MAPK4: variants seen among roughly 807,000 people sequenced by gnomAD.
MAPK4 encodes Erk3-related.
MAPK4 carries 22 observed loss-of-function variants against 47.7 expected under a neutral mutation model. The observed-to-expected ratio is 0.46, with a 90% CI of 0.33 to 0.66. MAPK4 has a LOEUF of 0.66. Among genes scored for constraint, MAPK4 ranks in the 30% least tolerant of loss-of-function variants. MAPK4 has a pLI of 0.02. For missense variants in MAPK4, 736 were observed against 831.7 expected (o/e 0.88, Z 1.42); for synonymous variants, 390 against 365.7 (o/e 1.07, Z -0.76).
intron 1 of MAPK4, among the ~76,000 whole-genome samples, chr18:50,610,511 C>G (rs186707766): frequency 6.6e-6 from 1 of 152,322 alleles, no homozygotes; most frequent in East Asian, 1.9e-4. Flanking sequence ...GCAGGAGCAG[C>G]CCTCCTCCTG....
intron 4 of MAPK4, among the ~76,000 whole-genome samples, chr18:50,724,572 A>C (rs113213849): frequency 6.6e-6 from 1 of 152,220 alleles, no homozygotes; most frequent in African/African-American, 2.4e-5. Context: ...TAAGTTTGCA[A>C]CTCCAGACCC....
At chr18:50,610,068 C>T (rs2042618990) in intron 1 of MAPK4, among the ~76,000 whole-genome samples, 1 of 152,198 alleles carries the variant, frequency 6.6e-6, no homozygotes, top group Non-Finnish European at 1.5e-5. Flanking sequence ...ACGATCTTGT[C>T]ACCTCCCTTC....
intron 1 of MAPK4, among the ~76,000 whole-genome samples, chr18:50,624,676 A>AT (rs1238432840): frequency 6.6e-6 from 1 of 152,082 alleles, no homozygotes; most frequent in Non-Finnish European, 1.5e-5. Context: ...TGAATTTACA[A>AT]TTTTTTCAAA....
chr18:50,592,921 CTT>C (rs1476134231), intron 1 of MAPK4, among the ~76,000 whole-genome samples: 1 of 152,224 alleles, frequency 6.6e-6, no homozygotes, highest in African/African-American at 2.4e-5. Context: ...ATTCTAAACT[CTT>C]TACCTGTTAA....
At chr18:50,704,742 C>A in intron 2 of MAPK4, 1 of 398,630 alleles carries the variant, frequency 2.5e-6, no homozygotes, top group Non-Finnish European at 4.4e-6. Flanking sequence ...TGATGTTGGA[C>A]TATGTTGTGT....
Position 50,696,569 on chromosome 18 carries a change from C to T in MAPK4, c.547-18510C>T, listed in dbSNP as rs553197925. ...CAGAACCTGCAGGTCTGAGAGGATC[C>T]GCACACCACTCACCCTGAACGCAAA... On this transcript the variant is annotated intron_variant, in intron 2 of 5. Transcript: ENST00000400384. Among the ~76,000 whole-genome samples the T allele has an allele frequency of 5.3e-5, 8 of 152,296 alleles. No homozygotes were observed. The South Asian group carries it at 6.2e-4, about 12-fold the overall frequency.
chr18:50,568,069 G>A (rs1488527408), intron 1 of MAPK4, among the ~76,000 whole-genome samples: 3 of 151,854 alleles, frequency 2.0e-5, no homozygotes, highest in Admixed American at 1.3e-4. Flanking sequence ...GGTGGCGGAT[G>A]CCTGTAGTCC....
chr18:50,635,648 T>G (rs2042879034), intron 1 of MAPK4, among the ~76,000 whole-genome samples: 1 of 152,216 alleles, frequency 6.6e-6, no homozygotes, highest in South Asian at 2.1e-4. Flanking sequence ...CTTAATGTGA[T>G]CTGCAAGACT....
chr18:50,658,644 C>T (rs1447263907), intron 1 of MAPK4, among the ~76,000 whole-genome samples: 1 of 152,248 alleles, frequency 6.6e-6, no homozygotes, highest in Non-Finnish European at 1.5e-5. Context: ...GAGCAAGGCA[C>T]ATCAGCCATA....
rs552925994 is a variant in MAPK4, at chr18:50,649,744, G to T, written c.-870-13345G>T. Among the ~76,000 whole-genome samples the T allele has an allele frequency of 2.6e-5, 4 of 152,288 alleles. No individual in the cohort carries two copies. The South Asian group carries it at 8.3e-4, about 32-fold the overall frequency. ...GAAGTAGGACTCTATATAAGCCTGC[G>T]GGGTGGCTGAGATCTTCCCCAGGCA... On this transcript the variant is annotated intron_variant, in intron 1 of 5. Transcript: ENST00000400384.
intron 1 of MAPK4, among the ~76,000 whole-genome samples, chr18:50,621,824 A>G (rs1428194542): frequency 6.6e-6 from 1 of 152,210 alleles, no homozygotes; most frequent in Admixed American, 6.5e-5. Flanking sequence ...ATATCCAAGT[A>G]CCTGCGATAC....
At chr18:50,591,692 A>G (rs889877544) in intron 1 of MAPK4, among the ~76,000 whole-genome samples, 3 of 151,854 alleles carry the variant, frequency 2.0e-5, no homozygotes, top group Non-Finnish European at 4.4e-5. Context: ...AGGTCTTGCT[A>G]TCACCATTCT....
chr18:50,667,590 A>T (rs1907676722), intron 2 of MAPK4, among the ~76,000 whole-genome samples: 1 of 152,140 alleles, frequency 6.6e-6, no homozygotes. Context: ...ACTCCCTTTG[A>T]AGAAGACCAT....
rs775095021 is a variant in MAPK4, at chr18:50,715,062, G to C, written c.547-17G>C. On this transcript the variant is annotated splice_polypyrimidine_tract_variant and intron_variant, in intron 2 of 5. Coordinates refer to ENST00000400384, the MANE Select transcript of MAPK4 (RefSeq NM_002747.4). The stretch of plus-strand genomic sequence containing the variant: ...CAAAAATGACTGATCAGTGGAACCA[G>C]AAATTTTGTCTTTCAGGGTTATCTG... 1 of 1,612,356 alleles carries C rather than the reference G, an allele frequency of 6.2e-7. No homozygotes were observed. Among genetic ancestry groups the C allele is most frequent in the East Asian group, 2.2e-5 (1 of 44,866 alleles).
In MAPK4 at chr18:50,726,007, G is replaced by T; in HGVS notation, c.899G>T (p.Arg300Leu). Residue 300 changes from arginine to leucine, a missense_variant, in exon 5 of 6, where the codon CGC becomes CTC. This residue lies in a region of MAPK4 where 32 missense variants were observed against 57.7 expected (regional missense o/e 0.55). Coordinates refer to ENST00000400384, the MANE Select transcript of MAPK4 (RefSeq NM_002747.4). The stretch of plus-strand genomic sequence containing the variant: ...ATCCTGACCTTTAACCCCATGGATC[G>T]CCTAACAGCTGAGATGGGGCTGCAA... ...EKILTFNPMDRLTAEMGLQHP... is the reference protein window; with the variant it reads ...EKILTFNPMDLLTAEMGLQHP... 1 of 1,614,060 alleles carries T rather than the reference G, an allele frequency of 6.2e-7. No homozygotes were observed. Among genetic ancestry groups the T allele is most frequent in the Non-Finnish European group, 8.5e-7 (1 of 1,180,026 alleles).
At chr18:50,605,573 T>A (rs1470627727) in intron 1 of MAPK4, among the ~76,000 whole-genome samples, 2 of 152,172 alleles carry the variant, frequency 1.3e-5, no homozygotes, top group African/African-American at 4.8e-5. Context: ...TTTTCCAGGG[T>A]CACTTCTAAC....
At chr18:50,595,403 C>T (rs963102084) in intron 1 of MAPK4, among the ~76,000 whole-genome samples, 4 of 152,140 alleles carry the variant, frequency 2.6e-5, no homozygotes, top group Non-Finnish European at 5.9e-5. Flanking sequence ...AAAATAATCT[C>T]CAAAACATAA....
chr18:50,660,332 T>C (rs934170209), intron 1 of MAPK4, among the ~76,000 whole-genome samples: 1 of 152,186 alleles, frequency 6.6e-6, no homozygotes, highest in African/African-American at 2.4e-5. Flanking sequence ...GGATTGAAGT[T>C]CAGAAATATT....
At chr18:50,702,103 A>C (rs563582734) in intron 2 of MAPK4, among the ~76,000 whole-genome samples, 1 of 140,756 alleles carries the variant, frequency 7.1e-6, no homozygotes, top group Admixed American at 7.7e-5. Context: ...CGGAGGTTGC[A>C]GTGAGCTGAG....
Sources: allele counts gnomAD v4.1 joint callset (sites outside exome capture counted in the v4.1 genomes callset), GRCh38; gene constraint gnomAD v4.1.1; regional missense constraint gnomAD v4.1.1; transcripts MANE v1.5; gene names NCBI Gene and HGNC (gene_info 2026-07-23, HGNC 2026-07-21).